CAST: variants seen among roughly 807,000 people sequenced by gnomAD.
The protein encoded by CAST is MIR583 host.
Under a neutral mutation model 119.6 loss-of-function variants are expected in CAST, and 76 were observed. That is an observed-to-expected ratio of 0.64 (90% CI 0.53 to 0.77). The LOEUF (loss-of-function observed/expected upper bound fraction) is 0.77, where lower values mean the gene tolerates loss of function less well. Among genes scored for constraint, CAST ranks in the 30% least tolerant of loss-of-function variants. CAST has a pLI of 0.00. For missense variants in CAST, 953 were observed against 946.5 expected, an observed-to-expected ratio of 1.01 and a Z score of -0.09; for synonymous variants, 319 against 331.6, an observed-to-expected ratio of 0.96 and a Z score of 0.41.
At chr5:96,398,785 G>T in the CAST span, 1 of 1,048,462 alleles carries the variant, frequency 9.5e-7, no homozygotes, top group Non-Finnish European at 1.5e-6. Flanking sequence ...TCTATTAGGA[G>T]ACTTTGTTCT....
chr5:96,371,212 C>T, the CAST span, among the ~76,000 whole-genome samples: 2 of 152,156 alleles, frequency 1.3e-5, no homozygotes, highest in African/African-American at 4.8e-5. Context: ...ATTTCCATAG[C>T]TCATTATGTA....
At chr5:96,694,006 A>G (rs991302653) in intron 2 of CAST, among the ~76,000 whole-genome samples, 4 of 152,156 alleles carry the variant, frequency 2.6e-5, no homozygotes, top group African/African-American at 9.7e-5. Flanking sequence ...ACACATAGAG[A>G]TTGTGCTTTG....
the CAST span, among the ~76,000 whole-genome samples, chr5:96,292,342 T>C: frequency 1.3e-5 from 2 of 152,190 alleles, no homozygotes; most frequent in African/African-American, 2.4e-5. Flanking sequence ...TTGTATAACG[T>C]AAATATGTTT....
intron 2 of CAST, among the ~76,000 whole-genome samples, chr5:96,685,030 C>A (rs954741311): frequency 6.6e-6 from 1 of 151,042 alleles, no homozygotes; most frequent in Non-Finnish European, 1.5e-5. Flanking sequence ...AACACTTTGC[C>A]TCTATGAGAG....
At chr5:96,240,459 C>T in the CAST span, among the ~76,000 whole-genome samples, 1 of 152,214 alleles carries the variant, frequency 6.6e-6, no homozygotes, top group Admixed American at 6.5e-5. Context: ...TTTCCTAATG[C>T]TTTATACAGT....
At chr5:96,469,950 A>G in the CAST span, among the ~76,000 whole-genome samples, 1 of 150,118 alleles carries the variant, frequency 6.7e-6, no homozygotes, top group Non-Finnish European at 1.5e-5. Flanking sequence ...CTTAAGGAAC[A>G]CTAAAATTAT....
intron 3 of CAST, among the ~76,000 whole-genome samples, chr5:96,706,320 T>G (rs1216504482): frequency 6.6e-6 from 1 of 152,242 alleles, no homozygotes; most frequent in East Asian, 1.9e-4. Flanking sequence ...TTCTTTATTT[T>G]TTCCCTGGAG....
At chr5:96,088,662 C>T in the CAST span, among the ~76,000 whole-genome samples, 2 of 152,188 alleles carry the variant, frequency 1.3e-5, no homozygotes, top group East Asian at 3.8e-4. Flanking sequence ...GAGGATGTTT[C>T]ATTTTTCTAG....
chr5:96,320,216 G>A, the CAST span, among the ~76,000 whole-genome samples: 1 of 148,890 alleles, frequency 6.7e-6, no homozygotes, highest in Non-Finnish European at 1.5e-5. Context: ...GCCTCTTTTG[G>A]AAAGGCTTTT....
chr5:96,372,543 G>A, the CAST span, among the ~76,000 whole-genome samples: 34 of 152,070 alleles, frequency 2.2e-4, no homozygotes, highest in Non-Finnish European at 3.7e-4. Flanking sequence ...CTGCTGCATT[G>A]GTCATAAATG....
chr5:96,425,796 C>T, the CAST span: 3 of 1,296,344 alleles, frequency 2.3e-6, no homozygotes, highest in Non-Finnish European at 3.4e-6. Context: ...GTCCCACCCA[C>T]ATAGTCCTTC....
At chr5:96,360,562 T>C in the CAST span, among the ~76,000 whole-genome samples, 2 of 152,218 alleles carry the variant, frequency 1.3e-5, no homozygotes, top group African/African-American at 4.8e-5. Context: ...TTCTGTTTGT[T>C]AGTTTTCCTC....
chr5:96,232,565 A>G, the CAST span, among the ~76,000 whole-genome samples: 18 of 152,136 alleles, frequency 1.2e-4, no homozygotes, highest in Non-Finnish European at 2.2e-4. Flanking sequence ...ATACAAAATT[A>G]ACAATCAAAA....
the CAST span, among the ~76,000 whole-genome samples, chr5:96,053,685 C>A: frequency 1.8e-3 from 267 of 152,278 alleles, 1 homozygote; most frequent in African/African-American, 6.1e-3. Context: ...AGATACATTT[C>A]ATCTGTTACT....
chr5:95,961,888 C>T, the CAST span: 2 of 861,988 alleles, frequency 2.3e-6, no homozygotes, highest in Middle Eastern at 7.4e-4. Context: ...CCGCCGCCAC[C>T]CGCCCCACCC....
At chr5:96,331,999 G>A in the CAST span, among the ~76,000 whole-genome samples, 2 of 152,322 alleles carry the variant, frequency 1.3e-5, no homozygotes, top group African/African-American at 2.4e-5. Context: ...TCTTCTATAA[G>A]AGAACTTTGT....
intron 3 of CAST, among the ~76,000 whole-genome samples, chr5:96,705,368 C>T (rs1407365176): frequency 6.6e-6 from 1 of 151,774 alleles, no homozygotes; most frequent in Non-Finnish European, 1.5e-5. Context: ...TTGAGCCATA[C>T]CATTTTGATG....
the CAST span, among the ~76,000 whole-genome samples, chr5:95,978,823 C>T: frequency 1.3e-5 from 2 of 152,096 alleles, no homozygotes; most frequent in Admixed American, 1.3e-4. Context: ...GTACACTTAA[C>T]AAAATCAGGA....
chr5:96,614,520 C>A (rs1747418928), intron 1 of CAST, among the ~76,000 whole-genome samples: 1 of 152,054 alleles, frequency 6.6e-6, no homozygotes, highest in Non-Finnish European at 1.5e-5. Context: ...GGTACTTAAC[C>A]AAGAAAAGGA....
Sources: gnomAD v4.1 joint callset for allele counts (sites outside exome capture counted in the v4.1 genomes callset) on GRCh38, gnomAD v4.1.1 for gene constraint, MANE v1.5 for transcripts, NCBI Gene and HGNC (gene_info 2026-07-23, HGNC 2026-07-21) for gene names.